The following ST6GALNAC5 variants were observed in gnomAD, a reference collection of about 807,000 sequenced individuals.
ST6GALNAC5 encodes the protein alpha-N-acetylgalactosaminide alpha-2,6-sialyltransferase 5.
A neutral mutation model predicts 33.6 loss-of-function variants in ST6GALNAC5; 27 were observed. The ratio of observed to expected loss-of-function variants is 0.80; its 90% confidence interval spans 0.59 to 1.11. ST6GALNAC5 has a LOEUF of 1.11. ST6GALNAC5 is among the 50% of genes least tolerant of loss of function. The pLI is 0.00. For synonymous variants in ST6GALNAC5, 194 were observed against 171.2 expected, an observed-to-expected ratio of 1.13 and a Z score of -1.04; for missense variants, 428 against 454.0, an observed-to-expected ratio of 0.94 and a Z score of 0.52.
chr1:77,032,114 G>A (rs1320525313), intron 2 of ST6GALNAC5, among the ~76,000 whole-genome samples: 1 of 152,074 alleles, frequency 6.6e-6, no homozygotes, highest in African/African-American at 2.4e-5. Flanking sequence ...TTATTGCTCC[G>A]GTTTACAATT....
chr1:76,961,078 A>T (rs1174379286), intron 2 of ST6GALNAC5, among the ~76,000 whole-genome samples: 1 of 152,194 alleles, frequency 6.6e-6, no homozygotes, highest in Non-Finnish European at 1.5e-5. Context: ...AGATTGCAGT[A>T]GAGACAGGCA....
At chr1:76,975,844 C>T (rs928582932) in intron 2 of ST6GALNAC5, among the ~76,000 whole-genome samples, 2 of 152,242 alleles carry the variant, frequency 1.3e-5, no homozygotes, top group East Asian at 3.9e-4. Flanking sequence ...CCTATAATCC[C>T]AGCACTTTGG....
intron 2 of ST6GALNAC5, among the ~76,000 whole-genome samples, chr1:77,034,712 A>G (rs909998055): frequency 6.6e-6 from 1 of 152,216 alleles, no homozygotes; most frequent in African/African-American, 2.4e-5. Context: ...GGTGGTGCAG[A>G]GGAAGGCAGC....
rs949467380 is a variant in ST6GALNAC5, at chr1:77,067,465, G to T, written c.*4259G>T. Among the ~76,000 whole-genome samples the T allele has an allele frequency of 2.0e-5, 3 of 152,156 alleles. No individual in the cohort carries two copies. Among genetic ancestry groups the T allele is most frequent in the Admixed American group, 1.3e-4 (2 of 15,278 alleles). On this transcript the variant is annotated 3_prime_UTR_variant, in exon 5 of 5. Coordinates refer to ENST00000477717, the MANE Select transcript of ST6GALNAC5 (RefSeq NM_030965.3). ...TGAGGGCAGAGACTCTTTCTCCTTT[G>T]TCTCTGCAGCCTATACCTAGTATAG...
intron 2 of ST6GALNAC5, among the ~76,000 whole-genome samples, chr1:77,035,072 C>T (rs1651601159): frequency 6.6e-6 from 1 of 152,160 alleles, no homozygotes; most frequent in African/African-American, 2.4e-5. Context: ...CTTGGGAAAA[C>T]ACAGATTGCT....
chr1:77,026,371 A>T (rs1651235457), intron 2 of ST6GALNAC5, among the ~76,000 whole-genome samples: 3 of 152,172 alleles, frequency 2.0e-5, no homozygotes, highest in Non-Finnish European at 4.4e-5. Flanking sequence ...AGCACGGCCA[A>T]TTGCATTTAA....
At chr1:76,895,170 G>C (rs1028486593) in intron 2 of ST6GALNAC5, among the ~76,000 whole-genome samples, 2 of 152,182 alleles carry the variant, frequency 1.3e-5, no homozygotes, top group African/African-American at 4.8e-5. Flanking sequence ...GGATGTGTAC[G>C]TGCAGGTCAC....
Position 76,868,119 on chromosome 1 carries a change from G to A in ST6GALNAC5, c.16-378G>A, listed in dbSNP as rs1653392301. Among the ~76,000 whole-genome samples the A allele has an allele frequency of 6.6e-6, 1 of 152,190 alleles. No individual in the cohort carries two copies. The highest frequency in any genetic ancestry group is 6.5e-5 in the Admixed American group (1 of 15,272). ...CGCAAGGATCCAGGGCCCCAGGAAAGGAGGGGTGTGAAGGACTCAAAATTC... is the reference window on the plus strand; with the variant it reads ...CGCAAGGATCCAGGGCCCCAGGAAAAGAGGGGTGTGAAGGACTCAAAATTC... On this transcript the variant is annotated intron_variant, in intron 1 of 4. Coordinates refer to ENST00000477717, the MANE Select transcript of ST6GALNAC5 (RefSeq NM_030965.3). This position sits in a 1 kb window ranked among gnomAD's most constrained non-coding sequence, Gnocchi z 4.3.
chr1:76,946,091 A>T (rs886639767), intron 2 of ST6GALNAC5, among the ~76,000 whole-genome samples: 4 of 152,098 alleles, frequency 2.6e-5, no homozygotes, highest in African/African-American at 9.7e-5. Flanking sequence ...TTATCCAGTG[A>T]CCTTGGCTAA....
At chr1:77,028,763 T>G (rs935921528) in intron 2 of ST6GALNAC5, among the ~76,000 whole-genome samples, 1 of 152,182 alleles carries the variant, frequency 6.6e-6, no homozygotes, top group Admixed American at 6.5e-5. Context: ...ATTACCATTA[T>G]TTTATAGGTG....
At chr1:76,934,412 C>G (rs1383553374) in intron 2 of ST6GALNAC5, among the ~76,000 whole-genome samples, 3 of 152,088 alleles carry the variant, frequency 2.0e-5, no homozygotes, top group African/African-American at 7.2e-5. Flanking sequence ...TCTCTCCTAT[C>G]TCCTTCTAGA....
chr1:76,893,999 G>A (rs1210091036), intron 2 of ST6GALNAC5, among the ~76,000 whole-genome samples: 1 of 152,164 alleles, frequency 6.6e-6, no homozygotes, highest in Non-Finnish European at 1.5e-5. Context: ...CTTTAACCCT[G>A]AGATGTGGCC....
intron 2 of ST6GALNAC5, among the ~76,000 whole-genome samples, chr1:76,873,356 A>G (rs1438709267): frequency 6.6e-6 from 1 of 152,176 alleles, no homozygotes; most frequent in Non-Finnish European, 1.5e-5. Flanking sequence ...ATAATCTTAA[A>G]GTTTATTTGT....
intron 2 of ST6GALNAC5, among the ~76,000 whole-genome samples, chr1:76,964,756 CCT>C (rs925287156): frequency 4.6e-5 from 7 of 152,110 alleles, no homozygotes; most frequent in African/African-American, 1.7e-4. Context: ...TATCCCTCCC[CCT>C]GACCCCACCC....
At chr1:76,991,593 C>G (rs548747100) in intron 2 of ST6GALNAC5, among the ~76,000 whole-genome samples, 2 of 152,254 alleles carry the variant, frequency 1.3e-5, no homozygotes, top group South Asian at 4.1e-4. Context: ...TTCTCCTCTG[C>G]TAATTCTACT....
chr1:76,957,016 T>G (rs1648028084), intron 2 of ST6GALNAC5, among the ~76,000 whole-genome samples: 1 of 152,204 alleles, frequency 6.6e-6, no homozygotes, highest in Non-Finnish European at 1.5e-5. Flanking sequence ...TTACCCAACT[T>G]GTAATTTTGA....
At chr1:76,942,317 G>A (rs1008123319) in intron 2 of ST6GALNAC5, among the ~76,000 whole-genome samples, 1 of 152,122 alleles carries the variant, frequency 6.6e-6, no homozygotes, top group African/African-American at 2.4e-5. Flanking sequence ...ATTAGCATTT[G>A]TTTCTCTTTT....
intron 2 of ST6GALNAC5, among the ~76,000 whole-genome samples, chr1:76,999,232 T>G (rs1650051263): frequency 1.3e-5 from 2 of 152,182 alleles, no homozygotes; most frequent in African/African-American, 4.8e-5. Context: ...CCCTTTTCTG[T>G]AATTAAAAAA....
At chr1:76,978,194 T>C (rs1249297157) in intron 2 of ST6GALNAC5, among the ~76,000 whole-genome samples, 3 of 152,208 alleles carry the variant, frequency 2.0e-5, no homozygotes, top group Non-Finnish European at 2.9e-5. Context: ...TGTTATTGCA[T>C]TGAGTTCCTT....
Sources: allele counts gnomAD v4.1 joint callset (sites outside exome capture counted in the v4.1 genomes callset), GRCh38; gene constraint gnomAD v4.1.1; non-coding constraint Gnocchi (gnomAD v3.1); transcripts MANE v1.5; gene names NCBI Gene and HGNC (gene_info 2026-07-23, HGNC 2026-07-21).